Variants in DIP2C observed in about 807,000 individuals in gnomAD.
The protein encoded by DIP2C is disco-interacting protein 2 homolog C.
In DIP2C, 33 loss-of-function variants were observed where a neutral mutation model predicts 192.4. That is an observed-to-expected ratio of 0.17 (90% confidence interval 0.13 to 0.23). The LOEUF (loss-of-function observed/expected upper bound fraction) is 0.23, where lower values mean the gene tolerates loss of function less well. Among genes scored for constraint, DIP2C ranks in the 10% least tolerant of loss-of-function variants. DIP2C has a pLI of 1.00. For missense variants in DIP2C, 1,537 were observed against 2,110.1 expected, an observed-to-expected ratio of 0.73 and a Z score of 5.32; for synonymous variants, 979 against 864.1, an observed-to-expected ratio of 1.13 and a Z score of -2.33.
chr10:363,082 G>A lies in DIP2C; in HGVS notation c.2592+115C>T. On this transcript the variant is annotated intron_variant, in intron 21 of 36. Coordinates refer to ENST00000280886, the MANE Select transcript of DIP2C (RefSeq NM_014974.3). This position sits in a 1 kb window ranked among gnomAD's most constrained non-coding sequence, Gnocchi z 5.4. ...TAGTTCCTGATCAAATGAAGGGAAG[G>A]GAAAAAGGGCCACCCCATGGGCAAA... 1.2e-6 allele frequency: 1 copy of A among 853,332 alleles called. No individual in the cohort carries two copies. The highest frequency in any genetic ancestry group is 1.8e-6 in the Non-Finnish European group (1 of 555,518). 52.9% of individuals were successfully genotyped at this position (853,332 alleles called of 1,614,324 possible).
intron 1 of DIP2C, among the ~76,000 whole-genome samples, chr10:564,234 T>TGA (rs147812204): frequency 1.4e-3 from 219 of 152,100 alleles, no homozygotes; most frequent in African/African-American, 5.0e-3. Flanking sequence ...CGCACGTGGT[T>TGA]GAGGCAGCAG....
intron 26 of DIP2C, among the ~76,000 whole-genome samples, chr10:346,343 A>G (rs375244601): frequency 2.0e-4 from 10 of 50,428 alleles, no homozygotes; most frequent in African/African-American, 3.8e-4. Flanking sequence ...GTTCTCCCGG[A>G]AACCCCACAC....
Position 383,732 on chromosome 10 carries a change from A to C in DIP2C, c.1876+295T>G, listed in dbSNP as rs549928350. 2.0e-4 allele frequency among the ~76,000 whole-genome samples: 31 copies of C among 152,282 alleles called. No individual in the cohort carries two copies. The South Asian group carries it at 6.4e-3, about 32-fold the overall frequency. On this transcript the variant is annotated intron_variant, in intron 16 of 36. Transcript: ENST00000280886. ...TACAGCCGGGGAAACAGGGTCAGCA[A>C]AGGAACTTTCTCTACAGAATCAAGA...
chr10:575,631 C>G (rs904591561), intron 1 of DIP2C, among the ~76,000 whole-genome samples: 1 of 152,214 alleles, frequency 6.6e-6, no homozygotes, highest in East Asian at 1.9e-4. Context: ...CACAAGCCTT[C>G]CAGACATGAC....
intron 1 of DIP2C, among the ~76,000 whole-genome samples, chr10:640,179 C>T (rs544587256): frequency 1.3e-5 from 2 of 152,388 alleles, no homozygotes; most frequent in Admixed American, 1.3e-4. Context: ...ACACCTCCCA[C>T]AGGTGGCAAG....
chr10:518,751 G>A (rs781435179), intron 1 of DIP2C, among the ~76,000 whole-genome samples: 12 of 152,124 alleles, frequency 7.9e-5, no homozygotes, highest in Non-Finnish European at 1.8e-4. Flanking sequence ...TGCCTGAGAC[G>A]ACAATGCTCA....
chr10:283,165 C>G, intron 35 of DIP2C, 107 bp downstream of exon 35: 1 of 1,432,000 alleles, frequency 7.0e-7, no homozygotes, highest in Non-Finnish European at 9.5e-7. Flanking sequence ...AGCACACGTG[C>G]CCTCCTGGCT....
intron 1 of DIP2C, among the ~76,000 whole-genome samples, chr10:517,595 A>C (rs1212395699): frequency 6.6e-6 from 1 of 152,244 alleles, no homozygotes; most frequent in Non-Finnish European, 1.5e-5. Flanking sequence ...ATGTCAGAAG[A>C]AAAGAAGGCA....
chr10:454,947 A>T (rs901499251), intron 3 of DIP2C, among the ~76,000 whole-genome samples: 2 of 152,120 alleles, frequency 1.3e-5, no homozygotes, highest in Non-Finnish European at 2.9e-5. Context: ...CTTCACTTCC[A>T]TCTTTTGAAG....
At chr10:575,905 T>C (rs1850119428) in intron 1 of DIP2C, among the ~76,000 whole-genome samples, 2 of 152,216 alleles carry the variant, frequency 1.3e-5, no homozygotes, top group African/African-American at 4.8e-5. Context: ...TCCTCCATGG[T>C]AACAGCTGAG....
chr10:596,904 CAT>C (rs1851742508), intron 1 of DIP2C, among the ~76,000 whole-genome samples: 1 of 152,242 alleles, frequency 6.6e-6, no homozygotes, highest in Admixed American at 6.5e-5. Flanking sequence ...GAGCAATGCG[CAT>C]AGTGACGCGA....
intron 1 of DIP2C, among the ~76,000 whole-genome samples, chr10:506,168 C>T (rs751679684): frequency 1.3e-5 from 2 of 152,124 alleles, no homozygotes; most frequent in Admixed American, 1.3e-4. Context: ...ATTTAAATAA[C>T]CTTGACTTGC....
intron 1 of DIP2C, among the ~76,000 whole-genome samples, chr10:549,128 A>T (rs1015641999): frequency 3.9e-5 from 6 of 152,138 alleles, no homozygotes; most frequent in African/African-American, 1.4e-4. Flanking sequence ...AATCCCTACA[A>T]ATAGTAGCTT....
chr10:609,745 G>A (rs1852940494), intron 1 of DIP2C, among the ~76,000 whole-genome samples: 1 of 152,062 alleles, frequency 6.6e-6, no homozygotes, highest in Admixed American at 6.5e-5. Context: ...GGTTAACCAG[G>A]TCAAAAGCAT....
At chr10:375,856 A>T (rs923266376) in intron 17 of DIP2C, among the ~76,000 whole-genome samples, 2 of 108,988 alleles carry the variant, frequency 1.8e-5, no homozygotes, top group African/African-American at 7.4e-5. Flanking sequence ...TAAGCAAGTG[A>T]GTCAACAAGG....
At chr10:613,074 C>G (rs1236300518) in intron 1 of DIP2C, among the ~76,000 whole-genome samples, 1 of 152,220 alleles carries the variant, frequency 6.6e-6, no homozygotes, top group African/African-American at 2.4e-5. Flanking sequence ...CAGCATGGCC[C>G]AAGGTCTAGG....
chr10:496,222 A>G (rs1270106697), intron 1 of DIP2C, among the ~76,000 whole-genome samples: 1 of 149,108 alleles, frequency 6.7e-6, no homozygotes, highest in African/African-American at 2.5e-5. Flanking sequence ...AATACCCCAA[A>G]CAACGTGAGT....
chr10:416,847 G>A (rs746408626), intron 6 of DIP2C, among the ~76,000 whole-genome samples: 1 of 152,160 alleles, frequency 6.6e-6, no homozygotes, highest in East Asian at 1.9e-4. Context: ...CGGTGCAGGG[G>A]TCTCTGTAGG....
At chr10:670,863 T>C (rs1185896118) in intron 1 of DIP2C, among the ~76,000 whole-genome samples, 1 of 152,224 alleles carries the variant, frequency 6.6e-6, no homozygotes, top group African/African-American at 2.4e-5. Context: ...TGGTAATTAA[T>C]TGTTATACCA....
Sources: allele counts gnomAD v4.1 joint callset (sites outside exome capture counted in the v4.1 genomes callset), GRCh38; gene constraint gnomAD v4.1.1; non-coding constraint Gnocchi (gnomAD v3.1); transcripts MANE v1.5; gene names NCBI Gene and HGNC (gene_info 2026-07-23, HGNC 2026-07-21).